TMPRSS15: variants seen among roughly 807,000 people sequenced by gnomAD.
TMPRSS15 encodes the protein transmembrane serine protease 15, also known as enteropeptidase.
In TMPRSS15, 128 loss-of-function variants were observed where a neutral mutation model predicts 125.3. The observed-to-expected ratio is 1.02, with a 90% CI of 0.89 to 1.18. The LOEUF (loss-of-function observed/expected upper bound fraction) is 1.18. Among genes scored for constraint, TMPRSS15 ranks in the 50% most tolerant of loss-of-function variants. TMPRSS15 has a pLI of 0.00. For missense variants in TMPRSS15, 1,283 were observed against 1,212.7 expected, an observed-to-expected ratio of 1.06 and a Z score of -0.86; for synonymous variants, 446 against 423.2, an observed-to-expected ratio of 1.05 and a Z score of -0.66.
chr21:18,276,535 A>G (rs2074622756), intron 23 of TMPRSS15, among the ~76,000 whole-genome samples: 1 of 152,152 alleles, frequency 6.6e-6, no homozygotes, highest in Non-Finnish European at 1.5e-5. Context: ...TAATTTTACA[A>G]TAAAAACCAA....
chr21:18,376,447 G>C (rs1313181812), intron 5 of TMPRSS15, among the ~76,000 whole-genome samples: 1 of 152,074 alleles, frequency 6.6e-6, no homozygotes, highest in African/African-American at 2.4e-5. Flanking sequence ...TTAAATCGAG[G>C]AAAATAATTC....
intron 13 of TMPRSS15, among the ~76,000 whole-genome samples, chr21:18,337,020 A>T (rs2075398995): frequency 6.6e-6 from 1 of 152,234 alleles, no homozygotes; most frequent in African/African-American, 2.4e-5. Context: ...AGCTCTAAGT[A>T]TTAGGTCACA....
At chr21:18,270,268 T>TG in intron 24 of TMPRSS15, 144 bp from the exon 25 acceptor site, 1 of 655,978 alleles carries the variant, frequency 1.5e-6, no homozygotes, top group South Asian at 2.5e-5. Flanking sequence ...ATATTCTCAC[T>TG]TTCACTCTAA....
chr21:18,287,361 C>T (rs1424210489), intron 21 of TMPRSS15, among the ~76,000 whole-genome samples: 1 of 152,170 alleles, frequency 6.6e-6, no homozygotes, highest in Non-Finnish European at 1.5e-5. Context: ...CATAATTTCA[C>T]TCTCTGTTCT....
intron 1 of TMPRSS15, among the ~76,000 whole-genome samples, chr21:18,472,735 A>C (rs1377188190): frequency 6.6e-6 from 1 of 151,998 alleles, no homozygotes; most frequent in African/African-American, 2.4e-5. Flanking sequence ...AAGTACAGCA[A>C]ATCAGTGGGA....
chr21:18,376,419 A>G (rs546978014), intron 5 of TMPRSS15, among the ~76,000 whole-genome samples: 45 of 152,302 alleles, frequency 3.0e-4, no homozygotes, highest in African/African-American at 1.1e-3. Context: ...AAATCTCTGC[A>G]TCTCAGTCTT....
intron 1 of TMPRSS15, among the ~76,000 whole-genome samples, chr21:18,455,430 A>G (rs895695257): frequency 2.0e-5 from 3 of 152,128 alleles, no homozygotes; most frequent in Non-Finnish European, 4.4e-5. Context: ...GTATTTTTTC[A>G]TCAACATTAG....
At chr21:18,357,429 C>T (rs1173759408) in intron 8 of TMPRSS15, among the ~76,000 whole-genome samples, 2 of 151,764 alleles carry the variant, frequency 1.3e-5, no homozygotes, top group Middle Eastern at 3.2e-3. Flanking sequence ...TTTGTTTATG[C>T]TGATTTCCCC....
intron 1 of TMPRSS15, among the ~76,000 whole-genome samples, chr21:18,399,837 A>T (rs1212005875): frequency 3.9e-5 from 6 of 152,122 alleles, no homozygotes; most frequent in Admixed American, 3.9e-4. Context: ...AGCCCTAAAG[A>T]CTCTGCAAAA....
At chr21:18,279,482 C>T (rs1027036550) in intron 22 of TMPRSS15, among the ~76,000 whole-genome samples, 6 of 150,708 alleles carry the variant, frequency 4.0e-5, no homozygotes, top group African/African-American at 1.2e-4. Context: ...CCCGCCACCA[C>T]GCCTGGCTAA....
At chr21:18,440,660 A>C (rs936407350) in intron 1 of TMPRSS15, among the ~76,000 whole-genome samples, 4 of 152,144 alleles carry the variant, frequency 2.6e-5, no homozygotes, top group African/African-American at 9.7e-5. Flanking sequence ...AAAAAAAATC[A>C]GAAAATATTC....
chr21:18,392,988 G>T (rs1222425318), intron 3 of TMPRSS15, among the ~76,000 whole-genome samples: 1 of 152,136 alleles, frequency 6.6e-6, no homozygotes, highest in Non-Finnish European at 1.5e-5. Flanking sequence ...CTTGAGATGA[G>T]ATTTGAGTGG....
intron 1 of TMPRSS15, among the ~76,000 whole-genome samples, chr21:18,424,164 T>C (rs982605713): frequency 1.3e-5 from 2 of 152,262 alleles, no homozygotes; most frequent in Admixed American, 6.5e-5. Flanking sequence ...TAGTGTTATC[T>C]GAGGTCCTAC....
intron 5 of TMPRSS15, among the ~76,000 whole-genome samples, chr21:18,376,248 C>A (rs1006078606): frequency 6.7e-6 from 1 of 150,348 alleles, no homozygotes; most frequent in African/African-American, 2.5e-5. Context: ...TCTTTTCAAT[C>A]CAAATGAAAT....
intron 1 of TMPRSS15, among the ~76,000 whole-genome samples, chr21:18,429,091 C>A (rs1431683067): frequency 6.6e-6 from 1 of 152,164 alleles, no homozygotes; most frequent in African/African-American, 2.4e-5. Context: ...CAAAGGAGAT[C>A]ATTTTGGAGC....
intron 1 of TMPRSS15, among the ~76,000 whole-genome samples, chr21:18,428,514 G>C (rs1210193746): frequency 6.6e-6 from 1 of 152,138 alleles, no homozygotes; most frequent in African/African-American, 2.4e-5. Context: ...GATTTTGTGG[G>C]CCGGTCCCAG....
In TMPRSS15 at chr21:18,323,073, C is replaced by T. The variant is rs115240958; in HGVS notation, c.1921+3359G>A. ...AACTTTTGATGGAAGAGATTTGTCT[C>T]TGTCTTCCTTTTGACAATCCATTTT... On this transcript the variant is annotated intron_variant, in intron 16 of 24. Transcript: ENST00000284885. 9.8e-3 allele frequency among the ~76,000 whole-genome samples: 1,496 copies of T among 152,256 alleles called. 23 individuals are homozygous for T. The highest frequency in any genetic ancestry group is 0.034 in the African/African-American group (1,415 of 41,536).
At chr21:18,367,877 G>A (rs1027781064) in intron 6 of TMPRSS15, among the ~76,000 whole-genome samples, 9 of 152,138 alleles carry the variant, frequency 5.9e-5, no homozygotes, top group African/African-American at 2.2e-4. Flanking sequence ...TTATTCTAGA[G>A]CATACTGTGG....
intron 15 of TMPRSS15, among the ~76,000 whole-genome samples, chr21:18,327,081 C>T (rs2075299948): frequency 6.6e-6 from 1 of 152,122 alleles, no homozygotes; most frequent in South Asian, 2.1e-4. Flanking sequence ...TTGGGGATTT[C>T]ATAAACAATA....
Sources: gnomAD v4.1 joint callset for allele counts (sites outside exome capture counted in the v4.1 genomes callset) on GRCh38, gnomAD v4.1.1 for gene constraint, MANE v1.5 for transcripts, NCBI Gene and HGNC (gene_info 2026-07-23, HGNC 2026-07-21) for gene names.